The following PRKG1 variants were observed in gnomAD, a reference collection of about 807,000 sequenced individuals.
The protein encoded by PRKG1 is cGMP-dependent protein kinase 1.
In PRKG1, 35 loss-of-function variants were observed where a neutral mutation model predicts 88.1. That is an observed-to-expected ratio of 0.40 (90% confidence interval 0.30 to 0.53). The LOEUF (loss-of-function observed/expected upper bound fraction) is 0.53, where lower values mean the gene tolerates loss of function less well. Ranked by LOEUF, PRKG1 falls within the 20% of genes least tolerant of loss-of-function variation. The probability of loss-of-function intolerance (pLI) is 0.59; values close to 1 mark genes in which losing one functional copy is unlikely to be tolerated. For missense variants in PRKG1, 540 were observed against 839.8 expected, an observed-to-expected ratio of 0.64 and a Z score of 4.41; for synonymous variants, 303 against 292.5, an observed-to-expected ratio of 1.04 and a Z score of -0.37.
At chr10:52,043,759 C>G (rs1377355908) in intron 5 of PRKG1, among the ~76,000 whole-genome samples, 1 of 151,302 alleles carries the variant, frequency 6.6e-6, no homozygotes. Flanking sequence ...TTGAACATTA[C>G]ACATGTATAT....
chr10:51,338,822 A>T (rs1401282034), intron 2 of PRKG1, among the ~76,000 whole-genome samples: 3 of 152,282 alleles, frequency 2.0e-5, no homozygotes, highest in Non-Finnish European at 2.9e-5. Context: ...AGGGTACAGG[A>T]TTTTGTTCCT....
chr10:51,546,791 T>C (rs1163581961), intron 3 of PRKG1, among the ~76,000 whole-genome samples: 1 of 152,112 alleles, frequency 6.6e-6, no homozygotes, highest in African/African-American at 2.4e-5. Context: ...ACTTCTCTTA[T>C]GGCTAGAAAG....
intron 2 of PRKG1, among the ~76,000 whole-genome samples, chr10:51,309,064 C>T (rs1841113449): frequency 6.6e-6 from 1 of 152,308 alleles, no homozygotes; most frequent in Non-Finnish European, 1.5e-5. Context: ...CCTTCTCCCT[C>T]TCTTGCCTTC....
chr10:51,310,453 T>C (rs1278446730), intron 2 of PRKG1, among the ~76,000 whole-genome samples: 3 of 152,144 alleles, frequency 2.0e-5, no homozygotes, highest in African/African-American at 4.8e-5. Flanking sequence ...TTAACAGAAA[T>C]CATTCCATAG....
At chr10:52,099,116 G>T (rs566306985) in intron 7 of PRKG1, among the ~76,000 whole-genome samples, 1 of 152,254 alleles carries the variant, frequency 6.6e-6, no homozygotes, top group South Asian at 2.1e-4. Context: ...TTACAAGTTG[G>T]CTTCTGTACA....
chr10:52,197,995 G>A (rs543764323), intron 9 of PRKG1, among the ~76,000 whole-genome samples: 8 of 152,142 alleles, frequency 5.3e-5, no homozygotes, highest in Non-Finnish European at 1.2e-4. Flanking sequence ...TACCCACTGG[G>A]AGGACACAAA....
At position 51,097,688 on chromosome 10, in the gene PRKG1, C is replaced by G. The variant is rs529463135; in HGVS notation, c.311+22787C>G. On this transcript the variant is annotated intron_variant, in intron 1 of 17. Coordinates refer to ENST00000373980, the MANE Select transcript of PRKG1 (RefSeq NM_006258.4). ...TTCCAACAAGGATTGCAGTGCCCGC[C>G]CTCCTTCAGAGCAGCTCATCTCCCA... Among the ~76,000 whole-genome samples the G allele has an allele frequency of 1.0e-3, 153 of 152,226 alleles. 1 individual carries two copies. The highest frequency in any genetic ancestry group is 3.6e-3 in the African/African-American group (150 of 41,542).
intron 9 of PRKG1, among the ~76,000 whole-genome samples, chr10:52,179,661 T>C (rs1282897608): frequency 6.6e-6 from 1 of 152,182 alleles, no homozygotes; most frequent in Non-Finnish European, 1.5e-5. Context: ...TCAGCTATTA[T>C]TTTATTAGAT....
Position 51,822,832 on chromosome 10 carries a change from G to A in PRKG1, c.698+18142G>A, listed in dbSNP as rs1564661614. ...AACTTTAAGATGTATGTGCATGCCTGGAGTGTAGCCCTTTTTCTTCTGTTT... is the reference window on the plus strand; with the variant it reads ...AACTTTAAGATGTATGTGCATGCCTAGAGTGTAGCCCTTTTTCTTCTGTTT... On this transcript the variant is annotated intron_variant, in intron 4 of 17. Coordinates refer to ENST00000373980, the MANE Select transcript of PRKG1 (RefSeq NM_006258.4). Among the ~76,000 whole-genome samples, 2 of 152,122 alleles carry A rather than the reference G, an allele frequency of 1.3e-5. 1 individual carries two copies. Among genetic ancestry groups the A allele is most frequent in the East Asian group, 3.9e-4 (2 of 5,186 alleles).
chr10:52,085,402 A>G (rs1250235314), intron 7 of PRKG1, among the ~76,000 whole-genome samples: 1 of 152,064 alleles, frequency 6.6e-6, no homozygotes, highest in African/African-American at 2.4e-5. Flanking sequence ...TTTCCTTCCA[A>G]TTAATTATCA....
intron 2 of PRKG1, among the ~76,000 whole-genome samples, chr10:51,436,421 T>A (rs1214023279): frequency 6.6e-6 from 1 of 151,462 alleles, no homozygotes; most frequent in Non-Finnish European, 1.5e-5. Flanking sequence ...AACATGCCTT[T>A]AAAAGTATGT....
chr10:51,590,926 A>T, intron 3 of PRKG1, among the ~76,000 whole-genome samples: 1 of 152,234 alleles, frequency 6.6e-6, no homozygotes, highest in East Asian at 1.9e-4. Flanking sequence ...TCTGTCAAAC[A>T]TTGGTAAGCA....
intron 5 of PRKG1, among the ~76,000 whole-genome samples, chr10:51,998,832 T>A (rs1201360814): frequency 6.6e-6 from 1 of 152,206 alleles, no homozygotes; most frequent in East Asian, 1.9e-4. Flanking sequence ...ATTATTCTCA[T>A]TTCCCTTCAC....
chr10:52,274,776 G>A (rs1254857246), intron 12 of PRKG1, among the ~76,000 whole-genome samples: 2 of 152,050 alleles, frequency 1.3e-5, no homozygotes, highest in East Asian at 3.9e-4. Flanking sequence ...CATAGCAGCT[G>A]TACTAGTTTA....
chr10:52,035,462 A>G (rs1445635998), intron 5 of PRKG1, among the ~76,000 whole-genome samples: 1 of 152,190 alleles, frequency 6.6e-6, no homozygotes, highest in African/African-American at 2.4e-5. Context: ...GTACTATAGC[A>G]TAACCTGCCT....
intron 7 of PRKG1, among the ~76,000 whole-genome samples, chr10:52,064,401 C>T (rs1015264020): frequency 2.6e-5 from 4 of 152,322 alleles, no homozygotes; most frequent in East Asian, 3.9e-4. Context: ...GGAGCAGGCA[C>T]CTCTGATCCT....
intron 3 of PRKG1, among the ~76,000 whole-genome samples, chr10:51,504,756 G>A (rs939937921): frequency 6.6e-6 from 1 of 152,128 alleles, no homozygotes; most frequent in Non-Finnish European, 1.5e-5. Flanking sequence ...ATTCACTCCT[G>A]ATTTGGCTCT....
intron 1 of PRKG1, among the ~76,000 whole-genome samples, chr10:51,137,378 T>C (rs2131948014): frequency 6.6e-6 from 1 of 152,264 alleles, no homozygotes; most frequent in South Asian, 2.1e-4. Context: ...AACAACTGGA[T>C]CATACCCCAA....
chr10:51,699,151 G>A lies in PRKG1; in HGVS notation c.593-105434G>A, dbSNP rs1841394083. On this transcript the variant is annotated intron_variant, in intron 3 of 17. Coordinates refer to ENST00000373980, the MANE Select transcript of PRKG1 (RefSeq NM_006258.4). ...CAAACATCTGCTCCGGGGGGAGACT[G>A]GCTACTGCTCTGGTAATCGATTCAG... The A allele has an allele frequency of 1.9e-6, 3 of 1,614,048 alleles. No individual in the cohort carries two copies. In the African/African-American group the frequency reaches 4.0e-5, roughly 22 times the overall value.
Sources: gnomAD v4.1 joint callset for allele counts (sites outside exome capture counted in the v4.1 genomes callset) on GRCh38, gnomAD v4.1.1 for gene constraint, MANE v1.5 for transcripts, NCBI Gene and HGNC (gene_info 2026-07-23, HGNC 2026-07-21) for gene names.